Variants in RAB3GAP1 observed in about 807,000 individuals in gnomAD.
RAB3GAP1 encodes RAB3 GTPase activating protein catalytic subunit 1, also known as rab3 GTPase-activating protein catalytic subunit.
In RAB3GAP1, 86 loss-of-function variants were observed where a neutral mutation model predicts 130.7. That is an observed-to-expected ratio of 0.66 (90% CI 0.55 to 0.79). The LOEUF (loss-of-function observed/expected upper bound fraction) is 0.79. Ranked by LOEUF, RAB3GAP1 falls within the 30% of genes least tolerant of loss-of-function variation. RAB3GAP1 has a pLI of 0.00. For synonymous variants in RAB3GAP1, 367 were observed against 401.7 expected, an observed-to-expected ratio of 0.91 and a Z score of 1.03; for missense variants, 1,029 against 1,169.4, an observed-to-expected ratio of 0.88 and a Z score of 1.75.
At chr2:135,154,203 A>G (rs1453391091) in intron 19 of RAB3GAP1, among the ~76,000 whole-genome samples, 1 of 152,210 alleles carries the variant, frequency 6.6e-6, no homozygotes, top group Non-Finnish European at 1.5e-5. Context: ...GAAATATACA[A>G]AGATCTATGT....
At chr2:135,141,011 T>A (rs1691822482) in intron 17 of RAB3GAP1, among the ~76,000 whole-genome samples, 1 of 152,188 alleles carries the variant, frequency 6.6e-6, no homozygotes, top group Non-Finnish European at 1.5e-5. Context: ...GGAGGTAGGA[T>A]CTTGTGGTTT....
At chr2:135,157,813 C>CA (rs1692354269) in intron 19 of RAB3GAP1, among the ~76,000 whole-genome samples, 1 of 130,916 alleles carries the variant, frequency 7.6e-6, no homozygotes, top group Admixed American at 8.4e-5. Flanking sequence ...GCCTGGGTGA[C>CA]AGAGTGAGAA....
At chr2:135,056,473 G>A (rs888561179) in intron 2 of RAB3GAP1, among the ~76,000 whole-genome samples, 1 of 152,228 alleles carries the variant, frequency 6.6e-6, no homozygotes, top group Non-Finnish European at 1.5e-5. Flanking sequence ...AAAGTGCTGG[G>A]ATTACACGCG....
chr2:135,127,790 A>G (rs1428979908), intron 11 of RAB3GAP1, among the ~76,000 whole-genome samples: 3 of 152,184 alleles, frequency 2.0e-5, no homozygotes, highest in Non-Finnish European at 4.4e-5. Flanking sequence ...AATAACACAA[A>G]TGGAAGTACT....
chr2:135,168,439 C>G (rs1181766510), intron 23 of RAB3GAP1, 106 bp from the exon 24 acceptor site: 1 of 926,082 alleles, frequency 1.1e-6, no homozygotes, highest in African/African-American at 1.6e-5. Flanking sequence ...TACTGAGTAA[C>G]GTGGGACATT....
chr2:135,066,069 CGCCA>C (rs1689315304), intron 3 of RAB3GAP1, among the ~76,000 whole-genome samples: 1 of 151,736 alleles, frequency 6.6e-6, no homozygotes, highest in Admixed American at 6.6e-5. Context: ...TACTGCACCC[CGCCA>C]GTAATTTTTA....
intron 5 of RAB3GAP1, among the ~76,000 whole-genome samples, chr2:135,096,737 C>T (rs1444052473): frequency 2.0e-5 from 3 of 152,200 alleles, no homozygotes; most frequent in African/African-American, 7.2e-5. Flanking sequence ...GGGCAAGTTA[C>T]TTAATTTCTT....
intron 23 of RAB3GAP1, among the ~76,000 whole-genome samples, chr2:135,168,023 ATGGGCCTCTATCAC>A (rs2105007030): frequency 6.6e-6 from 1 of 152,342 alleles, no homozygotes; most frequent in East Asian, 1.9e-4. Flanking sequence ...TCATTGCTAT[ATGGGCCTCTATCAC>A]TTCGGCATCA....
At chr2:135,168,453 A>G (rs1002523754) in intron 23 of RAB3GAP1, 92 bp from the exon 24 acceptor site, 18 of 1,054,682 alleles carry the variant, frequency 1.7e-5, no homozygotes, top group Non-Finnish European at 2.4e-5. Flanking sequence ...GGACATTTTC[A>G]TATCTTTATT....
rs1688901590 is a variant in RAB3GAP1, at chr2:135,052,305, A to G, written c.-3A>G. On this transcript the variant is annotated 5_prime_UTR_variant, in exon 1 of 24. Coordinates refer to ENST00000264158, the MANE Select transcript of RAB3GAP1 (RefSeq NM_012233.3). ...CTTAGCGCCAGGCCCGGCGCTCCTC[A>G]AGATGGCTGCCGACAGTGAGGTGAT... 3.1e-6 allele frequency: 5 copies of G among 1,613,536 alleles called. No individual in the cohort carries two copies. The East Asian group carries it at 1.1e-4, about 36-fold the overall frequency.
intron 3 of RAB3GAP1, among the ~76,000 whole-genome samples, chr2:135,087,776 G>A (rs1690027295): frequency 6.6e-6 from 1 of 151,932 alleles, no homozygotes; most frequent in Admixed American, 6.6e-5. Flanking sequence ...AGATTCTTTT[G>A]GATATTCTAC....
intron 13 of RAB3GAP1, among the ~76,000 whole-genome samples, chr2:135,132,286 A>G (rs1691569948): frequency 6.6e-6 from 1 of 152,250 alleles, no homozygotes; most frequent in Admixed American, 6.5e-5. Context: ...ATGTTATTCA[A>G]ATCATGTAGC....
intron 5 of RAB3GAP1, among the ~76,000 whole-genome samples, chr2:135,103,725 G>GT (rs1173404489): frequency 2.2e-5 from 3 of 139,448 alleles, no homozygotes; most frequent in Admixed American, 7.2e-5. Context: ...ATTCTTTGTT[G>GT]GCGGGGGAGG....
chr2:135,072,684 G>A (rs1689512461), intron 3 of RAB3GAP1, among the ~76,000 whole-genome samples: 1 of 152,028 alleles, frequency 6.6e-6, no homozygotes, highest in Non-Finnish European at 1.5e-5. Flanking sequence ...TAAACAATGA[G>A]TTATTTTACT....
At chr2:135,120,409 A>G (rs1307832521) in intron 7 of RAB3GAP1, among the ~76,000 whole-genome samples, 1 of 152,190 alleles carries the variant, frequency 6.6e-6, no homozygotes. Flanking sequence ...GTACACACAA[A>G]TATGTGGACA....
chr2:135,136,826 G>C lies in RAB3GAP1; in HGVS notation c.1923+894G>C, dbSNP rs570184856. The C allele has an allele frequency of 5.5e-5, 31 of 565,120 alleles. No homozygotes were observed. In the Admixed American group the frequency reaches 6.8e-4, roughly 12 times the overall value. The allele number at this position is 565,120 out of a possible 1,614,324, so 35.0% of individuals were successfully genotyped here. A position where few individuals can be genotyped will look rare whatever the true frequency, so the allele number is the denominator to read the frequency against. On this transcript the variant is annotated intron_variant, in intron 17 of 23. Coordinates refer to ENST00000264158, the MANE Select transcript of RAB3GAP1 (RefSeq NM_012233.3). Reference sequence around the variant, plus strand: ...AGGTTGGTCCCAGACCAGGCACAATGGCTCAAGCCTGCAAGCCCCACACCA... The same window carrying C: ...AGGTTGGTCCCAGACCAGGCACAATCGCTCAAGCCTGCAAGCCCCACACCA...
At chr2:135,125,607 C>T (rs749249593) in intron 9 of RAB3GAP1, among the ~76,000 whole-genome samples, 12 of 152,166 alleles carry the variant, frequency 7.9e-5, no homozygotes, top group Non-Finnish European at 1.5e-4. Context: ...ACTATGCACA[C>T]TCTTCTTGTG....
At chr2:135,158,964 A>G (rs1327290604) in intron 19 of RAB3GAP1, among the ~76,000 whole-genome samples, 1 of 152,208 alleles carries the variant, frequency 6.6e-6, no homozygotes, top group East Asian at 1.9e-4. Flanking sequence ...TTGAAAAAAG[A>G]AAAATTTGCA....
chr2:135,090,461 A>C (rs781354627), intron 3 of RAB3GAP1, among the ~76,000 whole-genome samples: 1 of 152,136 alleles, frequency 6.6e-6, no homozygotes, highest in African/African-American at 2.4e-5. Flanking sequence ...GCTCTGTGGG[A>C]AAAATCCTTT....
Sources: allele counts gnomAD v4.1 joint callset (sites outside exome capture counted in the v4.1 genomes callset), GRCh38; gene constraint gnomAD v4.1.1; transcripts MANE v1.5; gene names NCBI Gene and HGNC (gene_info 2026-07-23, HGNC 2026-07-21).